The following PCDH19 variants were observed in gnomAD, a reference collection of about 807,000 sequenced individuals.
PCDH19 encodes the protein protocadherin 19.
In PCDH19, 6 loss-of-function variants were observed where a neutral mutation model predicts 46.2. The ratio of observed to expected loss-of-function variants is 0.13; its 90% confidence interval spans 0.07 to 0.26. The LOEUF is 0.26. PCDH19 is among the 10% of genes least tolerant of loss of function. The pLI is 1.00. For missense variants in PCDH19, 740 were observed against 972.3 expected, an observed-to-expected ratio of 0.76 and a Z score of 3.18; for synonymous variants, 481 against 415.7, an observed-to-expected ratio of 1.16 and a Z score of -1.91.
At position 100,408,780 on chromosome X, in the gene PCDH19, A is replaced by C; in HGVS notation, c.-183T>G. 1.6e-5 allele frequency: 3 copies of C among 191,146 alleles called. No individual in the cohort carries two copies. Among genetic ancestry groups the C allele is most frequent in the Non-Finnish European group, 1.9e-5 (2 of 106,925 alleles). 15.8% of individuals were successfully genotyped at this position (191,146 alleles called of 1,213,427 possible). A position where few individuals can be genotyped will look rare whatever the true frequency, so the allele number is the denominator to read the frequency against. Reference sequence around the variant, plus strand: ...GCGGGGGACACCCGCGGCGGCTCCAATGCTGAGGTTGCGGCGGACGCGGCG... The same window carrying C: ...GCGGGGGACACCCGCGGCGGCTCCACTGCTGAGGTTGCGGCGGACGCGGCG... On this transcript the variant is annotated 5_prime_UTR_variant, in exon 1 of 6. Transcript: ENST00000373034.
intron 5 of PCDH19, among the ~76,000 whole-genome samples, chrX:100,302,007 A>C (rs970589028): frequency 9.0e-6 from 1 of 111,711 alleles, no homozygotes; most frequent in East Asian, 2.8e-4. Flanking sequence ...GGGAGAGCTG[A>C]CTTAGGTAAG....
chrX:100,402,268 G>C (rs187110067), intron 3 of PCDH19, among the ~76,000 whole-genome samples: 1 of 112,270 alleles, frequency 8.9e-6, no homozygotes, highest in Non-Finnish European at 1.9e-5. Context: ...GTTATGCCAG[G>C]ATAATGATTT....
intron 5 of PCDH19, among the ~76,000 whole-genome samples, chrX:100,327,600 T>C (rs1001032314): frequency 8.9e-6 from 1 of 112,235 alleles, no homozygotes; most frequent in African/African-American, 3.2e-5. Context: ...TCAATGAGTA[T>C]TAGCTAGATA....
intron 5 of PCDH19, among the ~76,000 whole-genome samples, chrX:100,341,004 C>T (rs1926237948): frequency 8.9e-6 from 1 of 111,796 alleles, no homozygotes. Flanking sequence ...AAGTTGAATT[C>T]ATATTTCTTA....
chrX:100,327,218 A>G (rs1925722034), intron 5 of PCDH19, among the ~76,000 whole-genome samples: 2 of 111,900 alleles, frequency 1.8e-5, no homozygotes, highest in African/African-American at 6.5e-5. Flanking sequence ...TGTTTTGGAC[A>G]CTTGCTATAT....
At position 100,348,861 on chromosome X, in the gene PCDH19, T is replaced by C. The variant is rs1236891488; in HGVS notation, c.2675+1785A>G. ...TAAGATGCAAGGGTCCCTGGGAGTCTTAGCTTTCTTCCAGGCTGTGACAAT... is the reference window on the plus strand; with the variant it reads ...TAAGATGCAAGGGTCCCTGGGAGTCCTAGCTTTCTTCCAGGCTGTGACAAT... On this transcript the variant is annotated intron_variant, in intron 4 of 5. Coordinates refer to ENST00000373034, the MANE Select transcript of PCDH19 (RefSeq NM_001184880.2). Among the ~76,000 whole-genome samples the C allele has an allele frequency of 2.7e-5, 3 of 110,748 alleles. No individual in the cohort carries two copies. The East Asian group carries it at 8.5e-4, about 31-fold the overall frequency.
At chrX:100,328,078 TAAAAC>T (rs910150904) in intron 5 of PCDH19, among the ~76,000 whole-genome samples, 19 of 112,191 alleles carry the variant, frequency 1.7e-4, no homozygotes, top group South Asian at 7.5e-4. Context: ...CTAAATCAAA[TAAAAC>T]AATGTCCAGC....
chrX:100,377,072 G>C (rs182597635), intron 3 of PCDH19, among the ~76,000 whole-genome samples: 1 of 112,266 alleles, frequency 8.9e-6, no homozygotes, highest in Admixed American at 9.4e-5. Context: ...AGGCATGTTA[G>C]AGCACAGTCT....
In PCDH19 at chrX:100,301,015, T is replaced by G. The variant is rs190947256; in HGVS notation, c.2849-4140A>C. Among the ~76,000 whole-genome samples, 122 of 110,028 alleles carry G rather than the reference T, an allele frequency of 1.1e-3. 1 individual carries two copies. Among genetic ancestry groups the G allele is most frequent in the African/African-American group, 4.0e-3 (120 of 30,249 alleles). ...AAGTCATGATAGATTAAGGAAGTAATTCAAACAGAAAAAGACCAGAATATG... is the reference window on the plus strand; with the variant it reads ...AAGTCATGATAGATTAAGGAAGTAAGTCAAACAGAAAAAGACCAGAATATG... On this transcript the variant is annotated intron_variant, in intron 5 of 5. Coordinates refer to ENST00000373034, the MANE Select transcript of PCDH19 (RefSeq NM_001184880.2).
At chrX:100,313,857 T>TCA (rs3222341) in intron 5 of PCDH19, among the ~76,000 whole-genome samples, 70 of 76,276 alleles carry the variant, frequency 9.2e-4, no homozygotes, top group African/African-American at 1.2e-3. Context: ...CTGCTGTTAA[T>TCA]CACACACACA....
Position 100,395,065 on chromosome X carries a change from T to C in PCDH19, c.2616+7459A>G, listed in dbSNP as rs542414016. On this transcript the variant is annotated intron_variant, in intron 3 of 5. Coordinates refer to ENST00000373034, the MANE Select transcript of PCDH19 (RefSeq NM_001184880.2). ...ACCACGCCCGGCTAATTTTTTGTAT[T>C]TTTAGTAGAGACGGGGTTTCACCGT... Among the ~76,000 whole-genome samples the C allele has an allele frequency of 2.3e-4, 25 of 109,952 alleles. No individual in the cohort carries two copies. The South Asian group carries it at 9.9e-3, about 44-fold the overall frequency.
At chrX:100,388,227 CAT>C (rs1470214350) in intron 3 of PCDH19, among the ~76,000 whole-genome samples, 1 of 109,387 alleles carries the variant, frequency 9.1e-6, no homozygotes, top group African/African-American at 3.3e-5. Context: ...TACACACACA[CAT>C]ACACGCACAT....
In PCDH19 at chrX:100,296,791, G is replaced by C. The variant is rs375911351; in HGVS notation, c.2933C>G (p.Pro978Arg). 9 of 1,209,350 alleles carry C rather than the reference G, an allele frequency of 7.4e-6. No homozygotes were observed. The highest frequency in any genetic ancestry group is 4.6e-4 in the Middle Eastern group (2 of 4,334). The change falls in exon 6 of 6, where the codon CCC becomes CGC. Residue 978 changes from proline (P) to arginine (R), a missense_variant. Transcript: ENST00000373034. ...ATGCTCAGGGGACTTGGAACGGATG[G>C]GCATGGGGTTCCGGGGCATCCAGCA... ...DRCWMPRNPM[P>R]IRSKSPEHVR...
In PCDH19 at chrX:100,406,868, A is replaced by G; in HGVS notation, c.1730T>C (p.Ile577Thr). The change falls in exon 1 of 6, where the codon ATA becomes ACA. Residue 577 changes from isoleucine to threonine, a missense_variant. Ile to Thr is a moderately conservative substitution (Grantham distance 89). Coordinates refer to ENST00000373034, the MANE Select transcript of PCDH19 (RefSeq NM_001184880.2). ...PLINGTAEVY[I>T]PRNSGIGYLV... ...GTAGCCTATGCCAGAGTTGCGGGGT[A>G]TGTAGACCTCGGCAGTGCCGTTAAT... 8.3e-7 allele frequency: 1 copy of G among 1,210,775 alleles called. No homozygotes were observed. Among genetic ancestry groups the G allele is most frequent in the South Asian group, 1.8e-5 (1 of 56,900 alleles).
intron 3 of PCDH19, among the ~76,000 whole-genome samples, chrX:100,371,765 T>TG (rs1667707332): frequency 9.0e-6 from 1 of 110,515 alleles, no homozygotes; most frequent in Non-Finnish European, 1.9e-5. Context: ...AGTTTACTGC[T>TG]GTTCCTGGAA....
intron 3 of PCDH19, among the ~76,000 whole-genome samples, chrX:100,356,049 G>A (rs1926702994): frequency 1.8e-5 from 2 of 108,617 alleles, no homozygotes; most frequent in South Asian, 8.3e-4. Context: ...TTTGTCCAGT[G>A]GCACAAATCC....
intron 5 of PCDH19, among the ~76,000 whole-genome samples, chrX:100,298,602 G>A (rs1198063100): frequency 9.0e-6 from 1 of 111,316 alleles, no homozygotes; most frequent in African/African-American, 3.3e-5. Flanking sequence ...CAATGTTTCT[G>A]CAAACTCCAG....
chrX:100,399,594 TAAAAG>T (rs1285910312), intron 3 of PCDH19, among the ~76,000 whole-genome samples: 2 of 111,462 alleles, frequency 1.8e-5, no homozygotes, highest in African/African-American at 6.5e-5. Context: ...GCCTTTGGTA[TAAAAG>T]AAAAGAAGTG....
chrX:100,404,080 G>A (rs1313182466), intron 1 of PCDH19, among the ~76,000 whole-genome samples: 1 of 111,999 alleles, frequency 8.9e-6, no homozygotes, highest in Non-Finnish European at 1.9e-5. Context: ...TCTCATAAAT[G>A]AATGCATTTC....
Sources: allele counts gnomAD v4.1 joint callset (sites outside exome capture counted in the v4.1 genomes callset), GRCh38; gene constraint gnomAD v4.1.1; transcripts MANE v1.5; gene names NCBI Gene and HGNC (gene_info 2026-07-23, HGNC 2026-07-21).